The following MSL2 variants were observed in gnomAD, a reference collection of about 807,000 sequenced individuals.
The protein encoded by MSL2 is MSL complex subunit 2, also known as E3 ubiquitin-protein ligase MSL2.
A neutral mutation model predicts 35.8 loss-of-function variants in MSL2; 2 were observed. The observed-to-expected ratio is 0.06, with a 90% CI of 0.02 to 0.18. The LOEUF (loss-of-function observed/expected upper bound fraction) is 0.18, where lower values mean the gene tolerates loss of function less well. Among genes scored for constraint, MSL2 ranks in the 10% least tolerant of loss-of-function variants. MSL2 has a pLI of 1.00. For synonymous variants in MSL2, 296 were observed against 255.7 expected (o/e 1.16, Z -1.50); for missense variants, 523 against 706.7 (o/e 0.74, Z 2.95).
intron 1 of MSL2, among the ~76,000 whole-genome samples, chr3:136,186,955 T>C (rs562988634): frequency 2.0e-5 from 3 of 152,286 alleles, no homozygotes; most frequent in African/African-American, 7.2e-5. Context: ...ACTATGTAAG[T>C]AGTTGTTATA....
intron 1 of MSL2, among the ~76,000 whole-genome samples, chr3:136,166,568 A>G (rs1939860829): frequency 6.6e-6 from 1 of 152,218 alleles, no homozygotes; most frequent in African/African-American, 2.4e-5. Flanking sequence ...TTAACATGCC[A>G]AAACTAGAAC....
At chr3:136,160,580 T>C (rs1438842270) in intron 1 of MSL2, among the ~76,000 whole-genome samples, 2 of 150,884 alleles carry the variant, frequency 1.3e-5, no homozygotes, top group Non-Finnish European at 3.0e-5. Context: ...TGTGGTGGCA[T>C]GCACCTGTAG....
rs201252124 is a variant in MSL2 at position 136,180,717 on chromosome 3, C to CAAAAG, written c.142+14250_142+14254dup. ...TCCGTCTCAGAAAAAAAAGAAAAAA[C>CAAAAG]AAAAGAAAAGAAAAGAAGAGGAGGA... On this transcript the variant is annotated intron_variant, in intron 1 of 1. Coordinates refer to ENST00000309993, the MANE Select transcript of MSL2 (RefSeq NM_018133.4). Among the ~76,000 whole-genome samples, 610 of 132,964 alleles carry CAAAAG rather than the reference C, an allele frequency of 4.6e-3. 1 individual carries two copies. The highest frequency in any genetic ancestry group is 8.1e-3 in the Middle Eastern group (2 of 248). The allele number at this position is 132,964 out of a possible 152,430, so 87.2% of individuals were successfully genotyped here. A position where few individuals can be genotyped will look rare whatever the true frequency, so the allele number is the denominator to read the frequency against.
At chr3:136,175,343 CAAA>C (rs34663683) in intron 1 of MSL2, among the ~76,000 whole-genome samples, 5 of 120,214 alleles carry the variant, frequency 4.2e-5, no homozygotes, top group Admixed American at 9.0e-5. Flanking sequence ...GACTCCGTCT[CAAA>C]AAAAAAAAAA....
chr3:136,189,108 CAAAAAAAAAAAAAA>C (rs372715974), intron 1 of MSL2, among the ~76,000 whole-genome samples: 2,227 of 38,662 alleles, frequency 0.058, 154 homozygotes, highest in African/African-American at 0.21. Context: ...CCTGTCTCTA[CAAAAAAAAAAAAAA>C]AAAAAAAAAA....
At chr3:136,177,509 C>A (rs542947244) in intron 1 of MSL2, among the ~76,000 whole-genome samples, 1 of 151,828 alleles carries the variant, frequency 6.6e-6, no homozygotes, top group East Asian at 1.9e-4. Context: ...CCCATCTCAA[C>A]TAAAAATACA....
Position 136,152,498 on chromosome 3 carries a change from T to C in MSL2, c.383A>G (p.Asp128Gly), listed in dbSNP as rs770071634. The change falls in exon 2 of 2, where the codon GAT becomes GGT. Residue 128 changes from aspartate to glycine, a missense_variant. Asp to Gly is a moderately conservative substitution (Grantham distance 94). Around this residue, in one of 5 missense-constraint regions of MSL2, gnomAD observed 361 missense variants for 414.6 expected, o/e 0.87. Coordinates refer to ENST00000309993, the MANE Select transcript of MSL2 (RefSeq NM_018133.4). The part of the protein sequence containing the change: ...DIIEAVDCSS[D>G]ILALLNDGSL... ...TCCATCATTAAGCAAAGCCAAAATA[T>C]CAGAAGAACAGTCAACTGCTTCTAT... is the stretch of plus-strand genomic sequence containing the variant. 3.7e-6 allele frequency: 6 copies of C among 1,614,058 alleles called. No individual in the cohort carries two copies. The Admixed American group carries it at 5.0e-5, about 13-fold the overall frequency.
intron 1 of MSL2, among the ~76,000 whole-genome samples, chr3:136,193,767 A>C (rs1940756870): frequency 6.6e-6 from 1 of 152,168 alleles, no homozygotes; most frequent in Non-Finnish European, 1.5e-5. Flanking sequence ...GCCCTGGGCG[A>C]CTATTCCTCT....
intron 1 of MSL2, among the ~76,000 whole-genome samples, chr3:136,177,446 A>C (rs1222115563): frequency 6.6e-6 from 1 of 152,168 alleles, no homozygotes; most frequent in Non-Finnish European, 1.5e-5. Context: ...AGGCTGAGGC[A>C]GGAGGATCAT....
chr3:136,170,895 G>A (rs1016353038), intron 1 of MSL2, among the ~76,000 whole-genome samples: 4 of 152,106 alleles, frequency 2.6e-5, no homozygotes, highest in African/African-American at 7.2e-5. Flanking sequence ...TTTATAAAAG[G>A]AGGTAAAAAT....
chr3:136,155,647 G>A, intron 1 of MSL2: 1 of 422,456 alleles, frequency 2.4e-6, no homozygotes, highest in Non-Finnish European at 4.8e-6. Context: ...CCGCCCATGG[G>A]GATACAGGAC....
At chr3:136,155,859 G>A (rs925901734) in intron 1 of MSL2, 2 of 578,660 alleles carry the variant, frequency 3.5e-6, no homozygotes. Flanking sequence ...CAGCTCCGCT[G>A]CTTTCCTCAG....
chr3:136,193,556 T>G (rs1370993785), intron 1 of MSL2, among the ~76,000 whole-genome samples: 3 of 150,502 alleles, frequency 2.0e-5, no homozygotes, highest in African/African-American at 7.4e-5. Flanking sequence ...TCCTCAGTCC[T>G]CAAACCATCA....
At chr3:136,173,974 G>A (rs1261362771) in intron 1 of MSL2, among the ~76,000 whole-genome samples, 1 of 152,054 alleles carries the variant, frequency 6.6e-6, no homozygotes, top group Non-Finnish European at 1.5e-5. Flanking sequence ...TTCCTGCCTT[G>A]CATGGTCAAT....
chr3:136,195,832 C>T lies in MSL2; in HGVS notation c.-719G>A. The T allele has an allele frequency of 2.0e-6, 2 of 984,696 alleles. No individual in the cohort carries two copies. The highest frequency in any genetic ancestry group is 2.4e-6 in the Non-Finnish European group (2 of 829,660). The allele number at this position is 984,696 out of a possible 1,614,324, so 61.0% of individuals were successfully genotyped here. On this transcript the variant is annotated 5_prime_UTR_variant, in exon 1 of 2. Transcript: ENST00000309993. ...GGAGTCCTCAACCCGGAGGGGAAGG[C>T]CGGGGAGGAAGTGCGCGGGCCGCCG... is the stretch of plus-strand genomic sequence containing the variant.
Position 136,150,909 on chromosome 3 carries a change from T to A in MSL2, c.*238A>T. 2.1e-6 allele frequency: 1 copy of A among 484,148 alleles called. No individual in the cohort carries two copies. The highest frequency in any genetic ancestry group is 3.7e-6 in the Non-Finnish European group (1 of 271,216). 30.0% of individuals were successfully genotyped at this position (484,148 alleles called of 1,614,324 possible). A position where few individuals can be genotyped will look rare whatever the true frequency, so the allele number is the denominator to read the frequency against. On this transcript the variant is annotated 3_prime_UTR_variant, in exon 2 of 2. Transcript: ENST00000309993. Reference sequence around the variant, plus strand: ...GTTCATTTTGTATAAATCAGTTGCATCAGCTTTGTTCTCAAACTATGAGGT... The same window carrying A: ...GTTCATTTTGTATAAATCAGTTGCAACAGCTTTGTTCTCAAACTATGAGGT...
chr3:136,153,893 G>A (rs906360317), intron 1 of MSL2, among the ~76,000 whole-genome samples: 2 of 151,942 alleles, frequency 1.3e-5, no homozygotes, highest in Non-Finnish European at 2.9e-5. Context: ...GACTAGCCTG[G>A]CCAACATGGT....
intron 1 of MSL2, among the ~76,000 whole-genome samples, chr3:136,166,774 C>G (rs1939866834): frequency 1.3e-5 from 2 of 152,188 alleles, no homozygotes; most frequent in South Asian, 2.1e-4. Context: ...CTCCTTAGCA[C>G]AGATAAACAA....
At chr3:136,182,344 T>C (rs1345489052) in intron 1 of MSL2, among the ~76,000 whole-genome samples, 6 of 152,100 alleles carry the variant, frequency 3.9e-5, no homozygotes, top group African/African-American at 1.2e-4. Context: ...CCAGACAAAA[T>C]TGGAATAATC....
Sources: allele counts gnomAD v4.1 joint callset (sites outside exome capture counted in the v4.1 genomes callset), GRCh38; gene constraint gnomAD v4.1.1; regional missense constraint gnomAD v4.1.1; transcripts MANE v1.5; gene names NCBI Gene and HGNC (gene_info 2026-07-23, HGNC 2026-07-21).